KAT6B: variants seen among roughly 807,000 people sequenced by gnomAD.
KAT6B encodes the protein histone acetyltransferase KAT6B.
In KAT6B, 10 loss-of-function variants were observed where a neutral mutation model predicts 187.5. That is an observed-to-expected ratio of 0.05 (90% CI 0.03 to 0.09). The LOEUF (loss-of-function observed/expected upper bound fraction) is 0.09. Ranked by LOEUF, KAT6B falls within the 10% of genes least tolerant of loss-of-function variation. The pLI, the probability that KAT6B is intolerant of heterozygous loss-of-function variation, is 1.00. For synonymous variants in KAT6B, 861 were observed against 926.8 expected (o/e 0.93, Z 1.29); for missense variants, 1,952 against 2,558.9 (o/e 0.76, Z 5.12).
intron 3 of KAT6B, among the ~76,000 whole-genome samples, chr10:74,938,956 C>T (rs900688071): frequency 3.3e-5 from 5 of 151,920 alleles, no homozygotes; most frequent in Admixed American, 1.3e-4. Flanking sequence ...AGGCTGGTCT[C>T]GAACTCCTGA....
At chr10:74,853,000 C>G (rs1215436929) in intron 3 of KAT6B, among the ~76,000 whole-genome samples, 2 of 152,032 alleles carry the variant, frequency 1.3e-5, no homozygotes, top group African/African-American at 4.8e-5. Context: ...ATATTTTATT[C>G]ATCCTTTCTC....
At chr10:74,969,316 G>A (rs1409138236) in intron 4 of KAT6B, among the ~76,000 whole-genome samples, 2 of 152,144 alleles carry the variant, frequency 1.3e-5, no homozygotes, top group Non-Finnish European at 2.9e-5. Context: ...GGACCCCCTG[G>A]GTAGATGGTG....
intron 13 of KAT6B, among the ~76,000 whole-genome samples, chr10:75,017,367 T>C (rs1157683859): frequency 6.6e-6 from 1 of 151,796 alleles, no homozygotes; most frequent in Non-Finnish European, 1.5e-5. Flanking sequence ...GCACAGTGGC[T>C]CACGCCTGTA....
chr10:74,891,637 T>C (rs1047189160), intron 3 of KAT6B, among the ~76,000 whole-genome samples: 6 of 152,258 alleles, frequency 3.9e-5, no homozygotes, highest in Non-Finnish European at 7.3e-5. Context: ...TCTCCTGCCA[T>C]CTTTGTTATC....
At chr10:74,887,131 T>G (rs1305783432) in intron 3 of KAT6B, among the ~76,000 whole-genome samples, 1 of 152,060 alleles carries the variant, frequency 6.6e-6, no homozygotes, top group Non-Finnish European at 1.5e-5. Context: ...CAGGATCTAG[T>G]CATCAGAGTT....
chr10:74,957,920 C>T (rs1056434613), intron 3 of KAT6B, among the ~76,000 whole-genome samples: 1 of 152,200 alleles, frequency 6.6e-6, no homozygotes, highest in Non-Finnish European at 1.5e-5. Flanking sequence ...TTTGTTATAG[C>T]TTGTCTCTTT....
At chr10:74,938,002 T>G (rs1213993132) in intron 3 of KAT6B, among the ~76,000 whole-genome samples, 4 of 152,190 alleles carry the variant, frequency 2.6e-5, no homozygotes, top group Non-Finnish European at 5.9e-5. Flanking sequence ...ATGAGTTGTT[T>G]TGGCAAGATC....
intron 4 of KAT6B, 66 bp from the exon 5 acceptor site, chr10:74,969,594 G>A (rs1841716600): frequency 1.1e-6 from 1 of 879,372 alleles, no homozygotes; most frequent in Admixed American, 1.8e-5. Flanking sequence ...TAAATATTAG[G>A]GAATGGGAGT....
rs1268735843 is a variant in KAT6B, at chr10:74,843,152, T to C, written c.295T>C (p.Cys99Arg). ...GTCAGCCAAGGGGTCTAGAGGATCATGTAATGATCTCCGCAATGTGGATTG... is the reference window on the plus strand; with the variant it reads ...GTCAGCCAAGGGGTCTAGAGGATCACGTAATGATCTCCGCAATGTGGATTG... ...PKSAKGSRGS[C>R]NDLRNVDWNK... The change falls in exon 3 of 18, where the codon TGT becomes CGT. Residue 99 changes from cysteine to arginine, a missense_variant. Cys to Arg is a radical substitution (Grantham distance 180). This residue lies in a region of KAT6B where 218 missense variants were observed against 282.6 expected (regional missense o/e 0.77). Coordinates refer to ENST00000287239, the MANE Select transcript of KAT6B (RefSeq NM_012330.4). 6.2e-7 allele frequency: 1 copy of C among 1,614,200 alleles called. No individual in the cohort carries two copies. The highest frequency in any genetic ancestry group is 1.7e-5 in the Admixed American group (1 of 60,022).
intron 3 of KAT6B, among the ~76,000 whole-genome samples, chr10:74,880,087 T>C (rs1844740280): frequency 2.0e-5 from 3 of 152,190 alleles, no homozygotes; most frequent in African/African-American, 7.2e-5. Flanking sequence ...AGACATAATT[T>C]GCGTTATCGT....
At position 75,021,751 on chromosome 10, in the gene KAT6B, G is replaced by A. The variant is rs1667721115; in HGVS notation, c.3022-130G>A. The A allele has an allele frequency of 4.6e-6, 4 of 868,676 alleles. No homozygotes were observed. The East Asian group carries it at 7.8e-5, about 17-fold the overall frequency. 53.8% of individuals were successfully genotyped at this position (868,676 alleles called of 1,614,324 possible). On this transcript the variant is annotated intron_variant, in intron 15 of 17. Coordinates refer to ENST00000287239, the MANE Select transcript of KAT6B (RefSeq NM_012330.4). ...TGCAAAAGGTTCCTGAGATGATGCA[G>A]CTGGAATGTGCTTGGCTGGCTGGCT...
At chr10:74,964,168 G>A (rs11001225) in intron 4 of KAT6B, among the ~76,000 whole-genome samples, 18,620 of 151,940 alleles carry the variant, frequency 0.12, 1,788 homozygotes, top group South Asian at 0.27. Context: ...AGAAAAGATT[G>A]GGGGTTGGGG....
intron 13 of KAT6B, among the ~76,000 whole-genome samples, chr10:74,999,346 AG>A (rs1293970418): frequency 1.3e-5 from 2 of 152,168 alleles, no homozygotes; most frequent in African/African-American, 2.4e-5. Context: ...AGAGCTCAGC[AG>A]GGGGTCTGCA....
At chr10:75,006,492 C>G (rs1230740515) in intron 13 of KAT6B, among the ~76,000 whole-genome samples, 1 of 152,012 alleles carries the variant, frequency 6.6e-6, no homozygotes, top group African/African-American at 2.4e-5. Context: ...GCTCTATCAC[C>G]CAGGCTGTAG....
At chr10:74,877,572 A>T (rs902097257) in intron 3 of KAT6B, among the ~76,000 whole-genome samples, 1 of 152,182 alleles carries the variant, frequency 6.6e-6, no homozygotes, top group Admixed American at 6.5e-5. Flanking sequence ...ATGATTTTAC[A>T]TTGCTTAGTT....
intron 3 of KAT6B, among the ~76,000 whole-genome samples, chr10:74,871,830 A>G (rs1427418559): frequency 1.3e-5 from 2 of 152,226 alleles, no homozygotes; most frequent in Non-Finnish European, 2.9e-5. Context: ...AGAACAGTAT[A>G]CAAGAAAGCC....
intron 3 of KAT6B, among the ~76,000 whole-genome samples, chr10:74,868,365 A>G (rs746491376): frequency 4.6e-5 from 7 of 152,234 alleles, no homozygotes; most frequent in East Asian, 1.9e-4. Context: ...TTTTTTCTAT[A>G]TGGCTTCCAT....
intron 13 of KAT6B, among the ~76,000 whole-genome samples, chr10:75,016,101 A>T (rs1005618269): frequency 6.6e-6 from 1 of 152,222 alleles, no homozygotes; most frequent in Non-Finnish European, 1.5e-5. Flanking sequence ...ATTAAATTTA[A>T]TTTGGGAATT....
intron 13 of KAT6B, among the ~76,000 whole-genome samples, chr10:75,015,776 C>T (rs1479534756): frequency 1.3e-5 from 2 of 152,202 alleles, no homozygotes; most frequent in Non-Finnish European, 2.9e-5. Flanking sequence ...AGATTATCAT[C>T]CCCTAAAAGC....
Sources: allele counts gnomAD v4.1 joint callset (sites outside exome capture counted in the v4.1 genomes callset), GRCh38; gene constraint gnomAD v4.1.1; regional missense constraint gnomAD v4.1.1; transcripts MANE v1.5; gene names NCBI Gene and HGNC (gene_info 2026-07-23, HGNC 2026-07-21).